Variants in SLC20A2 observed in about 807,000 individuals in gnomAD.
SLC20A2 encodes solute carrier family 20 member 2, also known as sodium-dependent phosphate transporter 2.
SLC20A2 carries 30 observed loss-of-function variants against 61.0 expected under a neutral mutation model. That is an observed-to-expected ratio of 0.49 (90% CI 0.37 to 0.67). The LOEUF (loss-of-function observed/expected upper bound fraction) is 0.67. SLC20A2 is among the 30% of genes least tolerant of loss of function. The pLI, the probability that SLC20A2 is intolerant of heterozygous loss-of-function variation, is 0.00. For missense variants in SLC20A2, 626 were observed against 866.4 expected, an observed-to-expected ratio of 0.72 and a Z score of 3.48; for synonymous variants, 351 against 353.3, an observed-to-expected ratio of 0.99 and a Z score of 0.07.
upstream of SLC20A2, among the ~76,000 whole-genome samples, chr8:42,501,615 G>A (rs914789531): frequency 1.3e-5 from 2 of 152,218 alleles, no homozygotes; most frequent in Non-Finnish European, 2.9e-5. Flanking sequence ...ATACATATCA[G>A]TAAGTCTATC....
At position 42,439,514 on chromosome 8, in the gene SLC20A2, T is replaced by C; in HGVS notation, c.870A>G (p.Ala290=). The stretch of plus-strand genomic sequence containing the variant: ...CCGAGGTCCCCAGTGTCTCCCCTGC[T>C]GCTCCCGTGAGCGGGATGGTGCTGT... ...NDDSTIPLTG[A]AGETLGTSEG... The change falls in exon 7 of 11, where the codon GCA becomes GCG. Residue 290 remains alanine (A), a synonymous_variant. Coordinates refer to ENST00000520262, the MANE Select transcript of SLC20A2 (RefSeq NM_001257180.2). The C allele has an allele frequency of 6.2e-7, 1 of 1,614,240 alleles. No individual in the cohort carries two copies. Among genetic ancestry groups the C allele is most frequent in the East Asian group, 2.2e-5 (1 of 44,884 alleles).
At chr8:42,537,637 T>TA in intron 1 of SLC20A2, 1 of 152,210 alleles carries the variant, frequency 6.6e-6, no homozygotes, top group Non-Finnish European at 1.5e-5. Context: ...TCAGTATCTA[T>TA]AAAAAATCAT....
At position 42,446,901 on chromosome 8, in the gene SLC20A2, T is replaced by A. The variant is rs1805258215; in HGVS notation, c.614-2139A>T. On this transcript the variant is annotated intron_variant, in intron 5 of 10. Transcript: ENST00000520262. The stretch of plus-strand genomic sequence containing the variant: ...AAAGAAAAAGAAATAAAAATATATA[T>A]ACTATAAGAATGTCACTTTTGTAAA... Among the ~76,000 whole-genome samples the A allele has an allele frequency of 2.0e-5, 3 of 152,152 alleles. No homozygotes were observed. In the Middle Eastern group the frequency reaches 0.01, roughly 518 times the overall value.
At chr8:42,526,366 A>G (rs1041726804) in intron 1 of SLC20A2, among the ~76,000 whole-genome samples, 6 of 152,070 alleles carry the variant, frequency 3.9e-5, no homozygotes, top group Non-Finnish European at 8.8e-5. Context: ...AAAAAAAAAA[A>G]AAGAAGTCTT....
chr8:42,461,086 A>G (rs1216793688), intron 4 of SLC20A2, among the ~76,000 whole-genome samples: 1 of 152,190 alleles, frequency 6.6e-6, no homozygotes, highest in African/African-American at 2.4e-5. Flanking sequence ...GCACTTGTCA[A>G]GAGGCTCGAG....
intron 1 of SLC20A2, among the ~76,000 whole-genome samples, chr8:42,486,596 G>A (rs1459105263): frequency 1.3e-5 from 2 of 152,196 alleles, no homozygotes; most frequent in Non-Finnish European, 2.9e-5. Flanking sequence ...AGCTTTGCTG[G>A]ATGAAGGATT....
At chr8:42,488,194 T>TC (rs1302885861) in intron 1 of SLC20A2, among the ~76,000 whole-genome samples, 1 of 147,526 alleles carries the variant, frequency 6.8e-6, no homozygotes, top group African/African-American at 2.5e-5. Flanking sequence ...TTTTTTTTTT[T>TC]TTTTTTTTTG....
At chr8:42,460,047 G>A in intron 4 of SLC20A2, 55 bp from the exon 5 acceptor site, 1 of 986,766 alleles carries the variant, frequency 1.0e-6, no homozygotes. Flanking sequence ...AGCATTTGGA[G>A]CCAACACAGA....
intron 1 of SLC20A2, among the ~76,000 whole-genome samples, chr8:42,532,878 C>T (rs1333524371): frequency 6.6e-6 from 1 of 152,014 alleles, no homozygotes; most frequent in Non-Finnish European, 1.5e-5. Flanking sequence ...CAGCAAAAGA[C>T]GAGGTGGCCC....
At chr8:42,497,775 C>G (rs925560358) in intron 1 of SLC20A2, among the ~76,000 whole-genome samples, 1 of 148,312 alleles carries the variant, frequency 6.7e-6, no homozygotes, top group Non-Finnish European at 1.5e-5. Flanking sequence ...GAGCCATGAA[C>G]TAGACCCAGA....
Position 42,523,711 on chromosome 8 carries a change from A to G in SLC20A2, c.-265+18110T>C, listed in dbSNP as rs185516660. 1.9e-3 allele frequency among the ~76,000 whole-genome samples: 294 copies of G among 152,346 alleles called. 1 individual carries two copies. The highest frequency in any genetic ancestry group is 6.8e-3 in the African/African-American group (284 of 41,570). ...AAGTCATCTTCTTAAAAACAAATGC[A>G]AAATCAACATGTTGGTTTTCTTAGA... On this transcript the variant is annotated intron_variant, in intron 1 of 10. Transcript: ENST00000342228.
chr8:42,484,814 C>T lies in SLC20A2; in HGVS notation c.-264-12160G>A, dbSNP rs529972052. On this transcript the variant is annotated intron_variant, in intron 1 of 10. Coordinates refer to ENST00000520262, the MANE Select transcript of SLC20A2 (RefSeq NM_001257180.2). ...TCATGCGGGAGCACCTGGGCCTGGCCTTCCAGACCCCGAGGGCATCCAGCC... is the reference window on the plus strand; with the variant it reads ...TCATGCGGGAGCACCTGGGCCTGGCTTTCCAGACCCCGAGGGCATCCAGCC... 8 of 312,074 alleles carry T rather than the reference C, an allele frequency of 2.6e-5. No homozygotes were observed. In the East Asian group the frequency reaches 4.6e-4, roughly 18 times the overall value. 19.3% of individuals were successfully genotyped at this position (312,074 alleles called of 1,614,324 possible).
intron 1 of SLC20A2, among the ~76,000 whole-genome samples, chr8:42,480,714 C>T (rs1000666446): frequency 2.0e-5 from 3 of 152,068 alleles, no homozygotes; most frequent in Non-Finnish European, 2.9e-5. Context: ...GGCTGGAGTG[C>T]GGTGGCATGA....
chr8:42,495,147 G>A (rs1192764138), intron 1 of SLC20A2, among the ~76,000 whole-genome samples: 1 of 152,040 alleles, frequency 6.6e-6, no homozygotes, highest in African/African-American at 2.4e-5. Flanking sequence ...GAGCCACTGC[G>A]CCCGGCCACG....
At chr8:42,476,084 CTTTTTTTTT>C (rs11350697) in intron 1 of SLC20A2, among the ~76,000 whole-genome samples, 286 of 42,102 alleles carry the variant, frequency 6.8e-3, no homozygotes, top group African/African-American at 0.021. Context: ...TTTACTGTGT[CTTTTTTTTT>C]TTTTTTTTTT....
chr8:42,524,325 C>G (rs949752343), intron 1 of SLC20A2, among the ~76,000 whole-genome samples: 2 of 152,068 alleles, frequency 1.3e-5, no homozygotes, highest in Admixed American at 1.3e-4. Flanking sequence ...GTGGGATTTA[C>G]TTCAAAATAA....
intron 3 of SLC20A2, among the ~76,000 whole-genome samples, chr8:42,464,700 C>T (rs1457143380): frequency 6.6e-6 from 1 of 152,112 alleles, no homozygotes; most frequent in Non-Finnish European, 1.5e-5. Context: ...TGGCCAGGTG[C>T]GGTGGCTCAC....
At position 42,420,359 on chromosome 8, in the gene SLC20A2, T is replaced by C. The variant is rs1014350210; in HGVS notation, c.1795-2392A>G. 6.6e-5 allele frequency among the ~76,000 whole-genome samples: 10 copies of C among 152,338 alleles called. 1 individual carries two copies. The South Asian group carries it at 2.1e-3, about 32-fold the overall frequency. ...TTGTTTCACTTTCAAGTTTCTAACTTCATGCAATAAAATATGCTATAATTT... is the reference window on the plus strand; with the variant it reads ...TTGTTTCACTTTCAAGTTTCTAACTCCATGCAATAAAATATGCTATAATTT... On this transcript the variant is annotated intron_variant, in intron 10 of 10. Transcript: ENST00000520262.
intron 1 of SLC20A2, among the ~76,000 whole-genome samples, chr8:42,486,340 C>A (rs574614684): frequency 1.6e-4 from 24 of 152,086 alleles, no homozygotes; most frequent in Non-Finnish European, 3.2e-4. Context: ...CTAGCTGGAA[C>A]TACAGGTGTG....
Sources: allele counts gnomAD v4.1 joint callset (sites outside exome capture counted in the v4.1 genomes callset), GRCh38; gene constraint gnomAD v4.1.1; transcripts MANE v1.5; gene names NCBI Gene and HGNC (gene_info 2026-07-23, HGNC 2026-07-21).